The following MAP4K3 variants were observed in gnomAD, a reference collection of about 807,000 sequenced individuals.
MAP4K3 encodes the protein mitogen-activated protein kinase kinase kinase kinase 3, also known as MAPK/ERK kinase kinase kinase 3.
A neutral mutation model predicts 143.5 loss-of-function variants in MAP4K3; 94 were observed. That is an observed-to-expected ratio of 0.65 (90% CI 0.55 to 0.78). The LOEUF (loss-of-function observed/expected upper bound fraction) is 0.78. Among genes scored for constraint, MAP4K3 ranks in the 30% least tolerant of loss-of-function variants. The pLI is 0.00. For synonymous variants in MAP4K3, 416 were observed against 347.2 expected (o/e 1.20, Z -2.20); for missense variants, 1,077 against 1,068.1 (o/e 1.01, Z -0.12).
intron 12 of MAP4K3, among the ~76,000 whole-genome samples, chr2:39,320,336 G>A (rs1199249332): frequency 6.6e-6 from 1 of 152,112 alleles, no homozygotes; most frequent in East Asian, 1.9e-4. Context: ...TAATGCTAAA[G>A]GCATTAACCC....
intron 15 of MAP4K3, 109 bp from the exon 16 acceptor site, chr2:39,299,910 A>T (rs924298571): frequency 4.9e-6 from 2 of 411,272 alleles, no homozygotes; most frequent in Non-Finnish European, 8.6e-6. Flanking sequence ...CAGACCCCCA[A>T]ATAAATCTGT....
intron 1 of MAP4K3, among the ~76,000 whole-genome samples, chr2:39,393,409 A>G (rs1666720287): frequency 6.6e-6 from 1 of 152,180 alleles, no homozygotes; most frequent in Non-Finnish European, 1.5e-5. Flanking sequence ...TACTTTTCAA[A>G]CGTATCAGTC....
chr2:39,418,202 C>A (rs1365019758), intron 1 of MAP4K3, among the ~76,000 whole-genome samples: 25 of 113,054 alleles, frequency 2.2e-4, no homozygotes, highest in African/African-American at 7.1e-4. Flanking sequence ...GACTCCGTCT[C>A]AAAAAAAAAA....
rs575458855 is a variant in MAP4K3, at chr2:39,310,525, G to GAT, written c.998-1007_998-1006insAT. ...ACATATAGGTTGATTCTTTATCCTGGGTATTGTGATAATGCTGCAATAAAC... is the reference window on the plus strand; with the variant it reads ...ACATATAGGTTGATTCTTTATCCTGGATGTATTGTGATAATGCTGCAATAAAC... On this transcript the variant is annotated intron_variant, in intron 13 of 33. Transcript: ENST00000263881. Among the ~76,000 whole-genome samples, 10 of 151,982 alleles carry GAT rather than the reference G, an allele frequency of 6.6e-5. No homozygotes were observed. In the South Asian group the frequency reaches 2.1e-3, roughly 32 times the overall value.
intron 13 of MAP4K3, among the ~76,000 whole-genome samples, chr2:39,310,302 A>G (rs79846597): frequency 0.016 from 2,376 of 152,208 alleles, 65 homozygotes; most frequent in African/African-American, 0.054. Flanking sequence ...CTCTACCTCC[A>G]TGAGATCAAC....
intron 3 of MAP4K3, among the ~76,000 whole-genome samples, chr2:39,350,914 G>A (rs1250162837): frequency 2.6e-5 from 4 of 151,880 alleles, no homozygotes; most frequent in Non-Finnish European, 4.4e-5. Flanking sequence ...TCAACCAATC[G>A]CAGGTTCACC....
chr2:39,410,429 A>G (rs1667204793), intron 1 of MAP4K3, among the ~76,000 whole-genome samples: 1 of 152,238 alleles, frequency 6.6e-6, no homozygotes, highest in African/African-American at 2.4e-5. Context: ...TGAAGATCTT[A>G]GCATTTCTTG....
chr2:39,331,874 A>C (rs753803493), intron 8 of MAP4K3, 43 bp downstream of exon 8: 17 of 1,273,518 alleles, frequency 1.3e-5, no homozygotes, highest in Non-Finnish European at 1.8e-5. Flanking sequence ...TATATCCAAT[A>C]ATGATAGAAC....
At chr2:39,295,345 T>A (rs891061338) in intron 16 of MAP4K3, among the ~76,000 whole-genome samples, 2 of 151,750 alleles carry the variant, frequency 1.3e-5, no homozygotes, top group African/African-American at 4.8e-5. Flanking sequence ...AATATTATTT[T>A]AAAAATATAT....
At chr2:39,432,790 T>C (rs555683687) in intron 1 of MAP4K3, among the ~76,000 whole-genome samples, 1 of 152,332 alleles carries the variant, frequency 6.6e-6, no homozygotes, top group South Asian at 2.1e-4. Flanking sequence ...CCTCACCTTT[T>C]TTCCTGCCAG....
At chr2:39,403,281 A>G (rs1667000707) in intron 1 of MAP4K3, among the ~76,000 whole-genome samples, 1 of 152,170 alleles carries the variant, frequency 6.6e-6, no homozygotes, top group African/African-American at 2.4e-5. Flanking sequence ...ATAAGAACCA[A>G]AACTCAGGTG....
At chr2:39,388,008 C>A (rs984866824) in intron 1 of MAP4K3, among the ~76,000 whole-genome samples, 1 of 152,158 alleles carries the variant, frequency 6.6e-6, no homozygotes, top group African/African-American at 2.4e-5. Context: ...ACAGACAGTT[C>A]CAACATATCA....
chr2:39,408,753 T>G (rs949715444), intron 1 of MAP4K3, among the ~76,000 whole-genome samples: 1 of 151,766 alleles, frequency 6.6e-6, no homozygotes, highest in African/African-American at 2.4e-5. Flanking sequence ...CAGAAGCAAC[T>G]TGATGGAGAT....
At chr2:39,264,673 A>T (rs1462557921) in intron 28 of MAP4K3, among the ~76,000 whole-genome samples, 1 of 152,234 alleles carries the variant, frequency 6.6e-6, no homozygotes, top group Non-Finnish European at 1.5e-5. Context: ...TTTAAAAGTT[A>T]GTTTTTCCTT....
intron 1 of MAP4K3, among the ~76,000 whole-genome samples, chr2:39,402,818 A>G (rs1414307722): frequency 6.6e-6 from 1 of 151,990 alleles, no homozygotes; most frequent in Non-Finnish European, 1.5e-5. Flanking sequence ...AAAGAAAGAA[A>G]AAAAAAAGGG....
chr2:39,393,369 TTAAGA>T (rs1233450780), intron 1 of MAP4K3, among the ~76,000 whole-genome samples: 3 of 152,218 alleles, frequency 2.0e-5, no homozygotes, highest in African/African-American at 4.8e-5. Flanking sequence ...AGCCTTTTAC[TTAAGA>T]TAATTTCCAT....
intron 2 of MAP4K3, among the ~76,000 whole-genome samples, chr2:39,375,651 G>A (rs55804701): frequency 0.014 from 2,142 of 152,278 alleles, 25 homozygotes; most frequent in Non-Finnish European, 0.022. Flanking sequence ...GGATAGTTCA[G>A]CAATTTCAAG....
At chr2:39,383,612 GGTAGAATTATTAATAATTCTACCA>G (rs1313053731) in intron 1 of MAP4K3, among the ~76,000 whole-genome samples, 2 of 151,586 alleles carry the variant, frequency 1.3e-5, no homozygotes, top group Non-Finnish European at 2.9e-5. Context: ...CTATTGTACC[GGTAGAATTATTAATAATTCTACCA>G]GTACAATAAG....
intron 26 of MAP4K3, among the ~76,000 whole-genome samples, chr2:39,270,028 C>A (rs149638794): frequency 7.7e-4 from 117 of 152,244 alleles, no homozygotes; most frequent in African/African-American, 2.7e-3. Flanking sequence ...AAGCTCCTGA[C>A]AGATTTCGGC....
Sources: allele counts gnomAD v4.1 joint callset (sites outside exome capture counted in the v4.1 genomes callset), GRCh38; gene constraint gnomAD v4.1.1; transcripts MANE v1.5; gene names NCBI Gene and HGNC (gene_info 2026-07-23, HGNC 2026-07-21).